Variants in KHDRBS2 observed in about 807,000 individuals in gnomAD.
KHDRBS2 encodes KH domain-containing, RNA-binding, signal transduction-associated protein 2.
Under a neutral mutation model 44.3 loss-of-function variants are expected in KHDRBS2, and 26 were observed. The ratio of observed to expected loss-of-function variants is 0.59; its 90% CI spans 0.43 to 0.81. KHDRBS2 has a LOEUF of 0.81. Ranked by LOEUF, KHDRBS2 falls within the 40% of genes least tolerant of loss-of-function variation. The pLI, the probability that KHDRBS2 is intolerant of heterozygous loss-of-function variation, is 0.00. For synonymous variants in KHDRBS2, 194 were observed against 151.1 expected (o/e 1.28, Z -2.08); for missense variants, 476 against 433.1 (o/e 1.10, Z -0.88).
At chr6:62,032,246 G>A (rs963717923) in intron 3 of KHDRBS2, among the ~76,000 whole-genome samples, 1 of 151,940 alleles carries the variant, frequency 6.6e-6, no homozygotes, top group African/African-American at 2.4e-5. Flanking sequence ...TGAGTCAGTG[G>A]GGGGAAAGGC....
At position 62,156,403 on chromosome 6, in the gene KHDRBS2, A is replaced by T. The variant is rs143725421; in HGVS notation, c.219+20782T>A. 3.5e-3 allele frequency among the ~76,000 whole-genome samples: 527 copies of T among 152,314 alleles called. 1 individual carries two copies. Among genetic ancestry groups the T allele is most frequent in the African/African-American group, 0.012 (511 of 41,574 alleles). On this transcript the variant is annotated intron_variant, in intron 2 of 8. Transcript: ENST00000281156. ...AAAGCATTTATTTGGCCAGTTCGGT[A>T]GACTTAGATTGAACTAAAAGCAAGA...
At position 61,983,236 on chromosome 6, in the gene KHDRBS2, C is replaced by CTTTCT. The variant is rs1309156581; in HGVS notation, c.337-5025_337-5024insAGAAA. Among the ~76,000 whole-genome samples the CTTTCT allele has an allele frequency of 6.8e-4, 81 of 118,516 alleles. 1 individual carries two copies. Among genetic ancestry groups the CTTTCT allele is most frequent in the Non-Finnish European group, 1.1e-3 (63 of 56,590 alleles). The allele number at this position is 118,516 out of a possible 152,430, so 77.8% of individuals were successfully genotyped here. The stretch of plus-strand genomic sequence containing the variant: ...TCTTTCTTTCTTTCTTTCTTTCTTT[C>CTTTCT]TTTTTTTTTTTTTTTTTTTTTATAG... On this transcript the variant is annotated intron_variant, in intron 3 of 8. Transcript: ENST00000281156.
In KHDRBS2 at chr6:62,072,249, G is replaced by A. The variant is rs189774128; in HGVS notation, c.220-24255C>T. On this transcript the variant is annotated intron_variant, in intron 2 of 8. Coordinates refer to ENST00000281156, the MANE Select transcript of KHDRBS2 (RefSeq NM_152688.4). ...GCTTAAGGAGATTTTGGGCTGAGAC[G>A]ATGGGGTTTTCTAGATATACAATCA... 8.5e-4 allele frequency among the ~76,000 whole-genome samples: 130 copies of A among 152,144 alleles called. 1 individual carries two copies. Among genetic ancestry groups the A allele is most frequent in the African/African-American group, 2.6e-3 (107 of 41,542 alleles).
intron 6 of KHDRBS2, among the ~76,000 whole-genome samples, chr6:61,876,502 C>G (rs1219155195): frequency 7.8e-6 from 1 of 128,308 alleles, no homozygotes; most frequent in Non-Finnish European, 1.8e-5. Context: ...CTACATTCTT[C>G]TAAAAAAATA....
intron 2 of KHDRBS2, among the ~76,000 whole-genome samples, chr6:62,167,334 A>G (rs1342047767): frequency 6.6e-6 from 1 of 152,170 alleles, no homozygotes; most frequent in African/African-American, 2.4e-5. Flanking sequence ...TTAGAAATGC[A>G]TGACTCAATG....
intron 2 of KHDRBS2, among the ~76,000 whole-genome samples, chr6:62,076,376 C>A (rs561979141): frequency 6.6e-6 from 1 of 151,856 alleles, no homozygotes; most frequent in Non-Finnish European, 1.5e-5. Flanking sequence ...ATAATAAGTG[C>A]TAAAAGAATT....
intron 2 of KHDRBS2, among the ~76,000 whole-genome samples, chr6:62,144,216 C>A (rs561420651): frequency 6.6e-6 from 1 of 151,970 alleles, no homozygotes; most frequent in East Asian, 1.9e-4. Flanking sequence ...TATTTTCTTA[C>A]CTAAAAAACT....
chr6:61,930,536 AAAAAAAAAAG>A (rs1276721914), intron 4 of KHDRBS2, among the ~76,000 whole-genome samples: 784 of 37,450 alleles, frequency 0.021, 101 homozygotes, highest in Non-Finnish European at 0.026. Flanking sequence ...AAAAAAAAAA[AAAAAAAAAAG>A]AAAAAAAAAA....
At chr6:61,826,044 A>C (rs144643019) in intron 6 of KHDRBS2, among the ~76,000 whole-genome samples, 1 of 152,308 alleles carries the variant, frequency 6.6e-6, no homozygotes, top group African/African-American at 2.4e-5. Context: ...CATAGATGTA[A>C]AAATACTTCT....
chr6:61,767,517 T>A (rs1780190123), intron 6 of KHDRBS2, among the ~76,000 whole-genome samples: 1 of 152,042 alleles, frequency 6.6e-6, no homozygotes, highest in Non-Finnish European at 1.5e-5. Context: ...TCTTTTTTTG[T>A]CATCTTTTCC....
intron 3 of KHDRBS2, among the ~76,000 whole-genome samples, chr6:62,019,811 ATT>A (rs1781922828): frequency 6.6e-6 from 1 of 151,180 alleles, no homozygotes; most frequent in Admixed American, 6.6e-5. Flanking sequence ...TTGAGAATTT[ATT>A]TTTCTCTTTT....
At chr6:62,084,796 G>T (rs895373682) in intron 2 of KHDRBS2, among the ~76,000 whole-genome samples, 10 of 151,944 alleles carry the variant, frequency 6.6e-5, no homozygotes, top group African/African-American at 2.2e-4. Flanking sequence ...GCTGAGAAAA[G>T]TACCCCCAAG....
intron 2 of KHDRBS2, among the ~76,000 whole-genome samples, chr6:62,148,457 T>C (rs543778300): frequency 6.6e-6 from 1 of 152,078 alleles, no homozygotes; most frequent in South Asian, 2.1e-4. Context: ...AAGCAGTATA[T>C]AGCTAAACAC....
intron 4 of KHDRBS2, among the ~76,000 whole-genome samples, chr6:61,913,991 T>C (rs1806512337): frequency 1.3e-5 from 2 of 152,086 alleles, no homozygotes; most frequent in South Asian, 4.1e-4. Flanking sequence ...ATTGTAAGTA[T>C]AACAGAAGGC....
intron 2 of KHDRBS2, among the ~76,000 whole-genome samples, chr6:62,088,707 C>T (rs781730601): frequency 1.3e-4 from 20 of 152,074 alleles, no homozygotes; most frequent in Non-Finnish European, 2.8e-4. Context: ...GGACATGGAC[C>T]CACTTGAGAA....
At chr6:61,762,061 G>A (rs1779345658) in intron 6 of KHDRBS2, among the ~76,000 whole-genome samples, 1 of 152,094 alleles carries the variant, frequency 6.6e-6, no homozygotes, top group South Asian at 2.1e-4. Flanking sequence ...AATACAAAAT[G>A]ATTTAAACTA....
At chr6:61,803,769 A>G (rs1786670507) in intron 6 of KHDRBS2, among the ~76,000 whole-genome samples, 1 of 152,172 alleles carries the variant, frequency 6.6e-6, no homozygotes, top group Non-Finnish European at 1.5e-5. Flanking sequence ...ACAGGGTGGC[A>G]GGAGAGAGAA....
intron 2 of KHDRBS2, among the ~76,000 whole-genome samples, chr6:62,087,925 G>T (rs574503748): frequency 6.6e-6 from 1 of 152,142 alleles, no homozygotes; most frequent in East Asian, 1.9e-4. Context: ...TTGTCTTCAT[G>T]CATTATTTCA....
At chr6:61,897,811 C>T (rs1271462374) in intron 5 of KHDRBS2, among the ~76,000 whole-genome samples, 1 of 152,048 alleles carries the variant, frequency 6.6e-6, no homozygotes, top group Non-Finnish European at 1.5e-5. Context: ...GACTACTCTC[C>T]TCTTTAACAA....
Sources: allele counts gnomAD v4.1 joint callset (sites outside exome capture counted in the v4.1 genomes callset), GRCh38; gene constraint gnomAD v4.1.1; transcripts MANE v1.5; gene names NCBI Gene and HGNC (gene_info 2026-07-23, HGNC 2026-07-21).